FRAS1: variants seen among roughly 807,000 people sequenced by gnomAD.
FRAS1 encodes extracellular matrix organizing protein FRAS1.
Under a neutral mutation model 435.2 loss-of-function variants are expected in FRAS1, and 290 were observed. The observed-to-expected ratio is 0.67, with a 90% confidence interval of 0.61 to 0.73. The LOEUF (loss-of-function observed/expected upper bound fraction) is 0.73. Ranked by LOEUF, FRAS1 falls within the 30% of genes least tolerant of loss-of-function variation. The pLI, the probability that FRAS1 is intolerant of heterozygous loss-of-function variation, is 0.00. For missense variants in FRAS1, 4,860 were observed against 5,001.5 expected, an observed-to-expected ratio of 0.97 and a Z score of 0.85; for synonymous variants, 1,800 against 1,851.0, an observed-to-expected ratio of 0.97 and a Z score of 0.71.
intron 2 of FRAS1, among the ~76,000 whole-genome samples, chr4:78,221,211 G>T (rs1023776204): frequency 1.3e-5 from 2 of 152,068 alleles, no homozygotes; most frequent in Admixed American, 6.5e-5. Context: ...TTTAACTCAA[G>T]AAATGGTAAT....
chr4:78,447,978 A>C, intron 43 of FRAS1, 75 bp from the exon 44 acceptor site: 1 of 1,362,918 alleles, frequency 7.3e-7, no homozygotes, highest in Non-Finnish European at 9.8e-7. Flanking sequence ...TACTTGGAAA[A>C]ATCAGACAAT....
rs779070461 is a variant in FRAS1 at position 78,317,496 on chromosome 4, G to A, written c.1948G>A (p.Gly650Arg). The change falls in exon 17 of 74, where the codon GGA becomes AGA. Residue 650 changes from glycine (G) to arginine (R), a missense_variant. Gly to Arg is a moderately radical substitution (Grantham distance 125). Transcript: ENST00000512123. ...TGGAGAGGGTTTCTACTCTGACCAT[G>A]GAGTCTGCAAAGGTATCGTTGGTGT... ...RCGEGFYSDH[G>R]VCKACHSSCL... is the part of the protein sequence containing the mutation. 21 of 1,612,638 alleles carry A rather than the reference G, an allele frequency of 1.3e-5. No homozygotes were observed. The highest frequency in any genetic ancestry group is 3.3e-5 in the South Asian group (3 of 90,850).
At chr4:78,223,878 C>T (rs904562129) in intron 2 of FRAS1, among the ~76,000 whole-genome samples, 1 of 152,158 alleles carries the variant, frequency 6.6e-6, no homozygotes, top group East Asian at 1.9e-4. Flanking sequence ...TTCTTATACA[C>T]TTCCTATTTG....
At chr4:78,099,602 C>G (rs1212953439) in intron 2 of FRAS1, among the ~76,000 whole-genome samples, 3 of 152,192 alleles carry the variant, frequency 2.0e-5, no homozygotes, top group African/African-American at 7.2e-5. Context: ...TCCATTCATT[C>G]ATAATCTTAC....
chr4:78,251,059 A>G lies in FRAS1; in HGVS notation c.310-1333A>G, dbSNP rs572767826. On this transcript the variant is annotated intron_variant, in intron 4 of 73. Transcript: ENST00000512123. ...ATATTTTATGATGTGTTTTTGGCAG[A>G]TTTAAAAATTTTAACTCATTAAATC... is the stretch of plus-strand genomic sequence containing the variant. Among the ~76,000 whole-genome samples, 6 of 152,226 alleles carry G rather than the reference A, an allele frequency of 3.9e-5. 1 individual carries two copies. Among genetic ancestry groups the G allele is most frequent in the African/African-American group, 1.4e-4 (6 of 41,552 alleles).
intron 16 of FRAS1, among the ~76,000 whole-genome samples, chr4:78,316,918 G>A (rs36067699): frequency 0.026 from 3,972 of 152,106 alleles, 175 homozygotes; most frequent in African/African-American, 0.088. Flanking sequence ...CTGACCCATG[G>A]CCTTTCCACT....
intron 2 of FRAS1, among the ~76,000 whole-genome samples, chr4:78,176,383 C>T (rs1413414107): frequency 2.0e-5 from 3 of 152,160 alleles, no homozygotes; most frequent in African/African-American, 4.8e-5. Context: ...CGCAATTCCA[C>T]CCATTCCCAT....
intron 7 of FRAS1, 79 bp from the exon 8 acceptor site, chr4:78,266,755 G>T: frequency 1.0e-6 from 1 of 998,942 alleles, no homozygotes; most frequent in Non-Finnish European, 1.5e-6. Flanking sequence ...ATGAAAATTG[G>T]GTGTCTTATG....
At position 78,446,869 on chromosome 4, in the gene FRAS1, A is replaced by C. The variant is rs1718849770; in HGVS notation, c.5999A>C (p.Lys2000Thr). The C allele has an allele frequency of 3.1e-6, 5 of 1,609,070 alleles. No individual in the cohort carries two copies. Among genetic ancestry groups the C allele is most frequent in the Admixed American group, 1.7e-5 (1 of 59,262 alleles). Residue 2000 changes from lysine to threonine, a missense_variant, in exon 43 of 74, where the codon AAG (lysine) becomes ACG (threonine). Lys to Thr is a moderately conservative substitution (Grantham distance 78). Transcript: ENST00000512123. ...DNELIFVLTKKPDHGHVLWRQ... is the reference protein window; with the variant it reads ...DNELIFVLTKTPDHGHVLWRQ... ...GAGCTCATTTTTGTATTGACAAAAA[A>C]GCCTGACCACGGTAGGGCACGAACT...
intron 2 of FRAS1, among the ~76,000 whole-genome samples, chr4:78,222,403 C>T (rs962786564): frequency 3.3e-5 from 5 of 152,194 alleles, no homozygotes; most frequent in East Asian, 1.9e-4. Context: ...CTTCTATTTC[C>T]GTAACAGCTC....
chr4:78,263,540 T>C (rs1056695172), intron 6 of FRAS1, among the ~76,000 whole-genome samples: 11 of 152,226 alleles, frequency 7.2e-5, no homozygotes, highest in African/African-American at 2.4e-4. Flanking sequence ...TTTTGACATT[T>C]GTTTCCTGTT....
At chr4:78,387,834 G>C (rs1173320278) in intron 29 of FRAS1, 133 bp downstream of exon 29, 1 of 593,184 alleles carries the variant, frequency 1.7e-6, no homozygotes, top group Non-Finnish European at 2.8e-6. Flanking sequence ...CTATTATATA[G>C]AGGGCACTAT....
intron 35 of FRAS1, 51 bp from the exon 36 acceptor site, chr4:78,429,044 C>CTCTG (rs1333322924): frequency 1.4e-6 from 2 of 1,386,040 alleles, no homozygotes; most frequent in Non-Finnish European, 1.9e-6. Flanking sequence ...GTGTGCGTGT[C>CTCTG]TCTGTGTGTG....
chr4:78,347,788 T>G (rs1475692883), intron 20 of FRAS1, among the ~76,000 whole-genome samples: 2 of 44,238 alleles, frequency 4.5e-5, no homozygotes, highest in East Asian at 8.5e-4. Context: ...TGTGTGTGTG[T>G]TTTTTTTTTT....
intron 30 of FRAS1, 27 bp from the exon 31 acceptor site, chr4:78,407,636 C>G: frequency 6.4e-7 from 1 of 1,568,594 alleles, no homozygotes; most frequent in Non-Finnish European, 8.6e-7. Flanking sequence ...GGGACCCTCA[C>G]TAACTATGTG....
chr4:78,321,838 CAAAAA>C (rs35661816), intron 18 of FRAS1, among the ~76,000 whole-genome samples: 1 of 106,286 alleles, frequency 9.4e-6, no homozygotes, highest in Admixed American at 9.5e-5. Context: ...AAAACTTCGT[CAAAAA>C]AAAAAAAAAA....
Position 78,508,943 on chromosome 4 carries a change from T to C in FRAS1, c.9717T>C (p.Asn3239=). 1 of 1,613,960 alleles carries C rather than the reference T, an allele frequency of 6.2e-7. No homozygotes were observed. The highest frequency in any genetic ancestry group is 8.5e-7 in the Non-Finnish European group (1 of 1,179,876). The change falls in exon 63 of 74, where the codon AAT becomes AAC. Residue 3239 remains asparagine (N), a synonymous_variant. Transcript: ENST00000512123. ...AAGTGGCTGCCCCCACTGATGGCAA[T>C]GGGGCCCGGTCTCCCTTTGAAACCA... is the stretch of plus-strand genomic sequence containing the variant. ...SWEVAAPTDG[N]GARSPFETIT... is the part of the protein sequence containing the mutation.
chr4:78,176,537 A>C (rs898026397), intron 2 of FRAS1, among the ~76,000 whole-genome samples: 1 of 152,210 alleles, frequency 6.6e-6, no homozygotes, highest in African/African-American at 2.4e-5. Flanking sequence ...GAAGACAGCC[A>C]TCATTTCTCC....
At position 78,153,596 on chromosome 4, in the gene FRAS1, GTC is replaced by G. The variant is rs771050354; in HGVS notation, c.109-83912_109-83911del. Among the ~76,000 whole-genome samples the G allele has an allele frequency of 2.1e-4, 32 of 152,232 alleles. 1 individual carries two copies. Among genetic ancestry groups the G allele is most frequent in the Non-Finnish European group, 4.3e-4 (29 of 68,018 alleles). On this transcript the variant is annotated intron_variant, in intron 2 of 73. Coordinates refer to ENST00000512123, the MANE Select transcript of FRAS1 (RefSeq NM_025074.7). Reference sequence around the variant, plus strand: ...TAGCACTTGAGGAGTGTTAAAGACTGTCTGTATATTTCATAAGGCTGTCCTCC... The same window carrying G: ...TAGCACTTGAGGAGTGTTAAAGACTGTGTATATTTCATAAGGCTGTCCTCC...
Sources: gnomAD v4.1 joint callset for allele counts (sites outside exome capture counted in the v4.1 genomes callset) on GRCh38, gnomAD v4.1.1 for gene constraint, MANE v1.5 for transcripts, NCBI Gene and HGNC (gene_info 2026-07-23, HGNC 2026-07-21) for gene names.